The following CLEC16A variants were observed in gnomAD, a reference collection of about 807,000 sequenced individuals.
The protein encoded by CLEC16A is protein CLEC16A.
CLEC16A carries 51 observed loss-of-function variants against 109.5 expected under a neutral mutation model. That is an observed-to-expected ratio of 0.47 (90% CI 0.37 to 0.59). CLEC16A has a LOEUF of 0.59. CLEC16A is among the 20% of genes least tolerant of loss of function. The probability of loss-of-function intolerance (pLI) is 0.00; values close to 1 mark genes in which losing one functional copy is unlikely to be tolerated. For synonymous variants in CLEC16A, 673 were observed against 564.2 expected (o/e 1.19, Z -2.73); for missense variants, 1,339 against 1,394.0 (o/e 0.96, Z 0.63).
At position 11,178,858 on chromosome 16, in the gene CLEC16A, C is replaced by T. The variant is rs199744041; in HGVS notation, c.*168C>T. ...GAATGGGAAGAAGCCCCACGTTGTCCTTGAATTCCTTTTTCACTTTGCATC... is the reference window on the plus strand; with the variant it reads ...GAATGGGAAGAAGCCCCACGTTGTCTTTGAATTCCTTTTTCACTTTGCATC... On this transcript the variant is annotated 3_prime_UTR_variant, in exon 24 of 24. Transcript: ENST00000409790. This position sits in a 1 kb window ranked among gnomAD's most constrained non-coding sequence, Gnocchi z 6.5. The T allele has an allele frequency of 1.1e-5, 6 of 560,302 alleles. No homozygotes were observed. The highest frequency in any genetic ancestry group is 4.5e-4 in the Middle Eastern group (1 of 2,200). The allele number at this position is 560,302 out of a possible 1,614,324, so 34.7% of individuals were successfully genotyped here.
intron 19 of CLEC16A, among the ~76,000 whole-genome samples, chr16:11,095,117 T>A (rs1165985036): frequency 6.6e-6 from 1 of 152,116 alleles, no homozygotes; most frequent in Non-Finnish European, 1.5e-5. Context: ...GTGGGTAGTC[T>A]TTTAAATGAC....
At chr16:11,067,436 A>C (rs1360721402) in intron 19 of CLEC16A, among the ~76,000 whole-genome samples, 1 of 151,754 alleles carries the variant, frequency 6.6e-6, no homozygotes. Flanking sequence ...GGGTGCCGAG[A>C]AGTGGCGCAG....
intron 13 of CLEC16A, among the ~76,000 whole-genome samples, chr16:11,039,000 T>G (rs976192376): frequency 6.6e-6 from 1 of 152,108 alleles, no homozygotes; most frequent in African/African-American, 2.4e-5. Flanking sequence ...GCACAATTGT[T>G]GGGGATGACT....
chr16:11,027,170 T>C (rs1484156079), intron 13 of CLEC16A: 6 of 1,404,812 alleles, frequency 4.3e-6, no homozygotes, highest in African/African-American at 1.4e-5. Flanking sequence ...GGCTCAGGTT[T>C]AAGCTACTGG....
chr16:11,033,275 G>C (rs148160751), intron 13 of CLEC16A, among the ~76,000 whole-genome samples: 1 of 152,180 alleles, frequency 6.6e-6, no homozygotes, highest in East Asian at 1.9e-4. Flanking sequence ...AGGGGTGAGG[G>C]GTTCTGGTTG....
intron 22 of CLEC16A, chr16:11,126,390 C>T (rs553191607): frequency 2.1e-6 from 3 of 1,437,150 alleles, no homozygotes; most frequent in Non-Finnish European, 2.7e-6. Context: ...TGTGGAAGAA[C>T]TTCTCAGAAT....
intron 23 of CLEC16A, among the ~76,000 whole-genome samples, chr16:11,173,507 C>T (rs1192556523): frequency 1.3e-5 from 2 of 152,076 alleles, no homozygotes; most frequent in African/African-American, 4.8e-5. Flanking sequence ...TTCAAAGGCA[C>T]GGGTCACCAA....
At chr16:11,043,467 A>T (rs1253233249) in intron 15 of CLEC16A, among the ~76,000 whole-genome samples, 2 of 152,098 alleles carry the variant, frequency 1.3e-5, no homozygotes, top group South Asian at 4.1e-4. Context: ...TTTTCCCCCA[A>T]TTAACTGTAT....
At chr16:11,084,829 CT>C (rs1271283953) in intron 19 of CLEC16A, among the ~76,000 whole-genome samples, 3 of 152,178 alleles carry the variant, frequency 2.0e-5, no homozygotes, top group Non-Finnish European at 4.4e-5. Context: ...CTCGAAGACA[CT>C]GTGGAGAAAG....
At chr16:11,172,261 T>C (rs2068551882) in intron 23 of CLEC16A, among the ~76,000 whole-genome samples, 1 of 152,088 alleles carries the variant, frequency 6.6e-6, no homozygotes, top group Admixed American at 6.5e-5. Context: ...TACAAATGTA[T>C]GTACGTGGTC....
At chr16:11,128,127 C>T (rs1188927291) in intron 22 of CLEC16A, among the ~76,000 whole-genome samples, 2 of 152,152 alleles carry the variant, frequency 1.3e-5, no homozygotes, top group Non-Finnish European at 1.5e-5. Context: ...CTTTCAGTTT[C>T]GGAACTTACT....
chr16:11,057,181 A>T, intron 18 of CLEC16A: 1 of 154,508 alleles, frequency 6.5e-6, no homozygotes. Context: ...GGTTGTGCCC[A>T]CATTAAACTG....
intron 22 of CLEC16A, among the ~76,000 whole-genome samples, chr16:11,140,595 C>T (rs183877225): frequency 9.7e-4 from 148 of 152,224 alleles, no homozygotes; most frequent in Middle Eastern, 3.4e-3. Flanking sequence ...TCTGGCCTGT[C>T]CTCCTGTCCC....
chr16:11,027,977 G>C (rs2046514210), intron 13 of CLEC16A, among the ~76,000 whole-genome samples: 1 of 152,202 alleles, frequency 6.6e-6, no homozygotes, highest in Admixed American at 6.5e-5. Flanking sequence ...GAGGTGGGCA[G>C]ATCACTTGAG....
At chr16:10,992,179 A>G (rs2044057917) in intron 10 of CLEC16A, among the ~76,000 whole-genome samples, 1 of 152,104 alleles carries the variant, frequency 6.6e-6, no homozygotes, top group South Asian at 2.1e-4. Flanking sequence ...ACTGTTAACC[A>G]CAGTCACCCT....
chr16:11,169,565 G>C (rs750367210), intron 23 of CLEC16A, among the ~76,000 whole-genome samples: 11 of 152,200 alleles, frequency 7.2e-5, no homozygotes, highest in Admixed American at 2.0e-4. Flanking sequence ...GGCATTACAG[G>C]CATGAGCCAT....
At chr16:11,116,782 A>G (rs951249810) in intron 19 of CLEC16A, among the ~76,000 whole-genome samples, 1 of 152,172 alleles carries the variant, frequency 6.6e-6, no homozygotes, top group African/African-American at 2.4e-5. Context: ...TCCTCCCCTA[A>G]TAAAGTTGAG....
At chr16:10,975,468 A>T (rs1596831397) in intron 7 of CLEC16A, among the ~76,000 whole-genome samples, 1 of 152,226 alleles carries the variant, frequency 6.6e-6, no homozygotes, top group South Asian at 2.1e-4. Flanking sequence ...AGTATTAAAA[A>T]GTGAGGCACT....
At chr16:11,147,287 T>G (rs2054104289) in intron 22 of CLEC16A, among the ~76,000 whole-genome samples, 1 of 152,206 alleles carries the variant, frequency 6.6e-6, no homozygotes, top group African/African-American at 2.4e-5. Context: ...AGGTAGATAT[T>G]CAGCCCAGCA....
Sources: gnomAD v4.1 joint callset for allele counts (sites outside exome capture counted in the v4.1 genomes callset) on GRCh38, gnomAD v4.1.1 for gene constraint, Gnocchi (gnomAD v3.1) non-coding constraint, MANE v1.5 for transcripts, NCBI Gene and HGNC (gene_info 2026-07-23, HGNC 2026-07-21) for gene names.